UBE2V1: variants seen among roughly 807,000 people sequenced by gnomAD.
The protein encoded by UBE2V1 is ubiquitin conjugating enzyme E2 V1, also known as ubiquitin-conjugating enzyme E2 variant 1.
UBE2V1 carries 15 observed loss-of-function variants against 19.6 expected under a neutral mutation model. The observed-to-expected ratio is 0.77, with a 90% confidence interval of 0.51 to 1.18. The LOEUF (loss-of-function observed/expected upper bound fraction) is 1.18. UBE2V1 is among the 50% of genes most tolerant of loss of function. The probability of loss-of-function intolerance (pLI) is 0.00; values close to 1 mark genes in which losing one functional copy is unlikely to be tolerated. For synonymous variants in UBE2V1, 60 were observed against 60.7 expected, an observed-to-expected ratio of 0.99 and a Z score of 0.05; for missense variants, 125 against 184.8, an observed-to-expected ratio of 0.68 and a Z score of 1.88.
At chr20:50,091,691 C>T (rs1433747768) in intron 2 of UBE2V1, among the ~76,000 whole-genome samples, 1 of 152,092 alleles carries the variant, frequency 6.6e-6, no homozygotes, top group Non-Finnish European at 1.5e-5. Flanking sequence ...CCACGCCCCG[C>T]CTCAAAGCTT....
chr20:50,106,583 C>T (rs546097875), intron 1 of UBE2V1, among the ~76,000 whole-genome samples: 1 of 152,240 alleles, frequency 6.6e-6, no homozygotes, highest in South Asian at 2.1e-4. Context: ...GTAATCCCAA[C>T]ACTTTGGGAG....
At chr20:50,102,973 T>C (rs532286713) in intron 1 of UBE2V1, among the ~76,000 whole-genome samples, 2 of 152,356 alleles carry the variant, frequency 1.3e-5, no homozygotes, top group South Asian at 2.1e-4. Flanking sequence ...AATGGCTGAC[T>C]GGTTCCCTTG....
At chr20:50,099,861 A>G (rs975209152) in intron 1 of UBE2V1, among the ~76,000 whole-genome samples, 4 of 152,130 alleles carry the variant, frequency 2.6e-5, no homozygotes, top group African/African-American at 4.8e-5. Flanking sequence ...CAGCACTTTG[A>G]GAGGCCAAGA....
chr20:50,099,240 A>G (rs1023942250), intron 1 of UBE2V1, among the ~76,000 whole-genome samples: 3 of 152,180 alleles, frequency 2.0e-5, no homozygotes, highest in Non-Finnish European at 2.9e-5. Context: ...TCAAATTTAT[A>G]TACTTAAGTC....
chr20:50,087,473 A>G (rs1483136813), intron 2 of UBE2V1, among the ~76,000 whole-genome samples: 1 of 151,686 alleles, frequency 6.6e-6, no homozygotes, highest in South Asian at 2.1e-4. Context: ...TATTTTGTTC[A>G]TGAGTGCTCC....
At chr20:50,106,342 T>C (rs999917916) in intron 1 of UBE2V1, among the ~76,000 whole-genome samples, 2 of 152,220 alleles carry the variant, frequency 1.3e-5, no homozygotes, top group Admixed American at 6.5e-5. Context: ...GCATGAATAT[T>C]TGATAGAGCT....
intron 2 of UBE2V1, among the ~76,000 whole-genome samples, chr20:50,090,796 T>C (rs1308972125): frequency 1.3e-5 from 2 of 152,202 alleles, no homozygotes; most frequent in African/African-American, 2.4e-5. Flanking sequence ...ATCTTAAGTG[T>C]CCTTACCACA....
chr20:50,104,369 C>T (rs984817348), intron 1 of UBE2V1: 9 of 981,456 alleles, frequency 9.2e-6, no homozygotes, highest in Non-Finnish European at 9.6e-6. Flanking sequence ...ATATAATTAA[C>T]ATACCTGGCT....
At position 50,087,502 on chromosome 20, in the gene UBE2V1, T is replaced by C. The variant is rs140344964; in HGVS notation, c.172-3248A>G. ...GTGCTCCAGGGACCTGCTAAAAAGG[T>C]TTCAGCAAAGGAAATGTGCCTGAAG... On this transcript the variant is annotated intron_variant, in intron 2 of 3. Transcript: ENST00000371674. 3.2e-3 allele frequency among the ~76,000 whole-genome samples: 481 copies of C among 151,984 alleles called. 3 individuals carry two copies. The highest frequency in any genetic ancestry group is 0.017 in the Middle Eastern group (5 of 292).
At chr20:50,115,725 C>T (rs2080988494), upstream of UBE2V1, 6 of 950,432 alleles carry the variant, frequency 6.3e-6, no homozygotes, top group Non-Finnish European at 1.4e-6. Flanking sequence ...ACTTTTAATC[C>T]TCACAACTCG....
intron 2 of UBE2V1, among the ~76,000 whole-genome samples, chr20:50,087,146 G>A (rs1280225504): frequency 2.0e-5 from 3 of 151,914 alleles, no homozygotes; most frequent in East Asian, 1.9e-4. Context: ...CTGTAATCTC[G>A]GCATCTGGGG....
chr20:50,084,415 C>A, intron 2 of UBE2V1, 161 bp from the exon 3 acceptor site: 1 of 1,267,952 alleles, frequency 7.9e-7, no homozygotes, highest in Non-Finnish European at 1.1e-6. Context: ...TATACTAGTT[C>A]CTACACTAGT....
intron 1 of UBE2V1, chr20:50,099,070 A>T (rs2079819581): frequency 1.3e-6 from 1 of 752,550 alleles, no homozygotes; most frequent in South Asian, 6.0e-5. Context: ...TAATAATCCT[A>T]ATTAGGCTAG....
At chr20:50,100,380 G>C (rs1262066336) in intron 1 of UBE2V1, among the ~76,000 whole-genome samples, 1 of 151,164 alleles carries the variant, frequency 6.6e-6, no homozygotes, top group East Asian at 1.9e-4. Context: ...GAGGTCAAGA[G>C]TTCAAGATCA....
chr20:50,104,203 A>G (rs564191570), intron 1 of UBE2V1, among the ~76,000 whole-genome samples: 1 of 145,450 alleles, frequency 6.9e-6, no homozygotes, highest in Non-Finnish European at 1.5e-5. Flanking sequence ...AATTGCTTGA[A>G]CCTGGGAGGC....
chr20:50,102,694 C>T (rs1411263819), intron 1 of UBE2V1, among the ~76,000 whole-genome samples: 2 of 152,106 alleles, frequency 1.3e-5, no homozygotes, highest in Non-Finnish European at 2.9e-5. Flanking sequence ...GCTCGGCCGA[C>T]GATCCTCTTA....
chr20:50,115,940 A>G (rs1555882474), upstream of UBE2V1: 1 of 166,392 alleles, frequency 6.0e-6, no homozygotes, highest in Non-Finnish European at 1.3e-5. Context: ...AGCTCATCGC[A>G]GGAAGAGGTT....
At chr20:50,096,439 G>A (rs774211267) in intron 2 of UBE2V1, 5 of 1,046,288 alleles carry the variant, frequency 4.8e-6, no homozygotes, top group Non-Finnish European at 6.8e-6. Context: ...TGTCTACATT[G>A]TCATATAAAT....
chr20:50,109,473 CG>C (rs2080602729), intron 1 of UBE2V1, among the ~76,000 whole-genome samples: 1 of 151,920 alleles, frequency 6.6e-6, no homozygotes, highest in Non-Finnish European at 1.5e-5. Flanking sequence ...GCTTGCAGCC[CG>C]GCACGGTGAC....
Sources: gnomAD v4.1 joint callset for allele counts (sites outside exome capture counted in the v4.1 genomes callset) on GRCh38, gnomAD v4.1.1 for gene constraint, MANE v1.5 for transcripts, NCBI Gene and HGNC (gene_info 2026-07-23, HGNC 2026-07-21) for gene names.